The following ISM2 variants were observed in gnomAD, a reference collection of about 807,000 sequenced individuals.
The protein encoded by ISM2 is isthmin-2.
In ISM2, 50 loss-of-function variants were observed where a neutral mutation model predicts 58.0. That is an observed-to-expected ratio of 0.86 (90% CI 0.69 to 1.09). ISM2 has a LOEUF of 1.09. Among genes scored for constraint, ISM2 ranks in the 50% least tolerant of loss-of-function variants. The probability of loss-of-function intolerance (pLI) is 0.00; values close to 1 mark genes in which losing one functional copy is unlikely to be tolerated. For missense variants in ISM2, 723 were observed against 745.0 expected, an observed-to-expected ratio of 0.97 and a Z score of 0.34; for synonymous variants, 303 against 312.4, an observed-to-expected ratio of 0.97 and a Z score of 0.32.
rs1004508553 is a variant in ISM2 at position 77,474,530 on chromosome 14, T to G, written c.*1065A>C. 6.6e-6 allele frequency: 1 copy of G among 152,142 alleles called. No individual in the cohort carries two copies. Among genetic ancestry groups the G allele is most frequent in the South Asian group, 2.1e-4 (1 of 4,824 alleles). 9.4% of individuals were successfully genotyped at this position (152,142 alleles called of 1,614,324 possible). Reference sequence around the variant, plus strand: ...TTGAGACTTCAATATTTCAACCCCATAGAAGGCAAGGAAGTGCAGCCAGGG... The same window carrying G: ...TTGAGACTTCAATATTTCAACCCCAGAGAAGGCAAGGAAGTGCAGCCAGGG... On this transcript the variant is annotated 3_prime_UTR_variant, in exon 7 of 7. Transcript: ENST00000342219.
intron 4 of ISM2, 71 bp downstream of exon 4, chr14:77,482,251 C>T: frequency 8.2e-7 from 1 of 1,214,528 alleles, no homozygotes; most frequent in Non-Finnish European, 1.2e-6. Flanking sequence ...CCTCCACCCT[C>T]TCCCTCACCC....
chr14:77,496,799 GAAAAAAAAAAAAAAAAAAA>G (rs772342344), intron 1 of ISM2, among the ~76,000 whole-genome samples: 609 of 25,804 alleles, frequency 0.024, 10 homozygotes, highest in African/African-American at 0.1. Context: ...TCCATCTCAG[GAAAAAAAAAAAAAAAAAAA>G]AAAAAAAAAA....
intron 1 of ISM2, among the ~76,000 whole-genome samples, chr14:77,497,455 C>A (rs1322110646): frequency 6.7e-6 from 1 of 150,264 alleles, no homozygotes; most frequent in African/African-American, 2.4e-5. Context: ...GAGGCTGAGG[C>A]AGGAGGATTG....
chr14:77,493,177 G>C (rs1452613723), intron 1 of ISM2, among the ~76,000 whole-genome samples: 1 of 152,136 alleles, frequency 6.6e-6, no homozygotes, highest in Admixed American at 6.6e-5. Flanking sequence ...TGTATTTTTA[G>C]TAGAGACAGG....
chr14:77,486,524 A>G (rs1400898646), intron 1 of ISM2, among the ~76,000 whole-genome samples: 2 of 152,228 alleles, frequency 1.3e-5, no homozygotes, highest in Non-Finnish European at 2.9e-5. Flanking sequence ...TCACTGACCA[A>G]TGAGGGAGGC....
chr14:77,481,034 C>T (rs1389175796), intron 4 of ISM2, among the ~76,000 whole-genome samples: 2 of 151,902 alleles, frequency 1.3e-5, no homozygotes, highest in Admixed American at 6.6e-5. Context: ...AACCACAATA[C>T]GCAAAAATAA....
At chr14:77,484,235 C>T in intron 3 of ISM2, 88 bp downstream of exon 3, 2 of 1,498,948 alleles carry the variant, frequency 1.3e-6, no homozygotes, top group South Asian at 2.6e-5. Flanking sequence ...TCCACGGAAT[C>T]CAGGATATAG....
rs930656879 is a variant in ISM2 at position 77,498,710 on chromosome 14, G to C, written c.84C>G (p.Pro28=). 6.1e-6 allele frequency: 9 copies of C among 1,485,268 alleles called. No individual in the cohort carries two copies. In the African/African-American group the frequency reaches 1.2e-4, roughly 19 times the overall value. The allele number at this position is 1,485,268 out of a possible 1,614,324, so 92.0% of individuals were successfully genotyped here. The change falls in exon 1 of 7, where the codon CCC becomes CCG. Residue 28 remains proline (P), a synonymous_variant. Coordinates refer to ENST00000342219, the MANE Select transcript of ISM2 (RefSeq NM_199296.3). The part of the protein sequence containing the change: ...AALLEAALGL[P]VKKPRLRGPR... ...GTCCGCGGAGCCGCGGCTTCTTCAC[G>C]GGGAGCCCTAGCGCCGCCTCCAGCA...
At chr14:77,489,234 T>C (rs2079186218) in intron 1 of ISM2, among the ~76,000 whole-genome samples, 1 of 152,138 alleles carries the variant, frequency 6.6e-6, no homozygotes, top group Non-Finnish European at 1.5e-5. Flanking sequence ...CAGAAACTTG[T>C]TCTGGATAAT....
In ISM2 at chr14:77,475,724, G is replaced by A; in HGVS notation, c.1587C>T (p.Pro529=). 6.2e-7 allele frequency: 1 copy of A among 1,614,140 alleles called. No homozygotes were observed. Among genetic ancestry groups the A allele is most frequent in the South Asian group, 1.1e-5 (1 of 91,088 alleles). ...PKLHFKFDTT[P]WILCKGDWSR... ...TCCAGTCCCCCTTGCACAGGATCCAGGGCGTCGTGTCGAACTTGAAGTGCA... is the reference window on the plus strand; with the variant it reads ...TCCAGTCCCCCTTGCACAGGATCCAAGGCGTCGTGTCGAACTTGAAGTGCA... The change falls in exon 7 of 7, where the codon CCC becomes CCT. Residue 529 remains proline, a synonymous_variant. Coordinates refer to ENST00000342219, the MANE Select transcript of ISM2 (RefSeq NM_199296.3). This position sits in a 1 kb window ranked among gnomAD's most constrained non-coding sequence, Gnocchi z 4.1.
At chr14:77,476,188 G>A in intron 6 of ISM2, 76 bp from the exon 7 acceptor site, 2 of 1,453,082 alleles carry the variant, frequency 1.4e-6, no homozygotes, top group Non-Finnish European at 1.8e-6. Context: ...CTGATTAAGG[G>A]CCAGTGCATG....
intron 1 of ISM2, among the ~76,000 whole-genome samples, chr14:77,487,762 G>A (rs768279288): frequency 7.9e-5 from 12 of 152,214 alleles, no homozygotes; most frequent in Admixed American, 5.2e-4. Context: ...GGAGATGCCA[G>A]AAGAGGGTAG....
intron 1 of ISM2, among the ~76,000 whole-genome samples, chr14:77,492,147 C>T (rs2079209353): frequency 6.6e-6 from 1 of 152,168 alleles, no homozygotes; most frequent in African/African-American, 2.4e-5. Context: ...CAGGCATGAG[C>T]CACCACACCC....
chr14:77,484,543 C>G lies in ISM2; in HGVS notation c.407G>C (p.Arg136Thr), dbSNP rs763304757. 62 of 1,593,506 alleles carry G rather than the reference C, an allele frequency of 3.9e-5. No homozygotes were observed. Among genetic ancestry groups the G allele is most frequent in the Non-Finnish European group, 4.8e-5 (56 of 1,170,372 alleles). ...TGCCTCCTCCTCTTCCCTCAGAGGC[C>G]TAGGATCTGGGGAGGCTGAAGCCTG... ...DTQASASPDPRPLREEEEARL... is the reference protein window; with the variant it reads ...DTQASASPDPTPLREEEEARL... Residue 136 changes from arginine to threonine, a missense_variant, in exon 3 of 7, where the codon AGG becomes ACG. Coordinates refer to ENST00000342219, the MANE Select transcript of ISM2 (RefSeq NM_199296.3).
intron 1 of ISM2, among the ~76,000 whole-genome samples, chr14:77,487,435 T>C (rs1326247372): frequency 6.6e-6 from 1 of 152,124 alleles, no homozygotes; most frequent in African/African-American, 2.4e-5. Flanking sequence ...GGACTAAGCC[T>C]AGCCCAGGCC....
chr14:77,495,067 G>C (rs115630995), intron 1 of ISM2, among the ~76,000 whole-genome samples: 1 of 151,720 alleles, frequency 6.6e-6, no homozygotes, highest in South Asian at 2.1e-4. Context: ...GTATTTTTTG[G>C]GGGGTAGAGA....
chr14:77,490,953 A>C (rs574690856), intron 1 of ISM2, among the ~76,000 whole-genome samples: 60 of 152,360 alleles, frequency 3.9e-4, no homozygotes, highest in African/African-American at 1.4e-3. Flanking sequence ...GTGAGGCCAC[A>C]GGCTTGGCAC....
At chr14:77,484,952 G>T (rs548265257) in intron 1 of ISM2, 33 bp from the exon 2 acceptor site, 8 of 1,526,332 alleles carry the variant, frequency 5.2e-6, no homozygotes, top group African/African-American at 1.4e-5. Context: ...AAGGTAACAG[G>T]TCAGGGCTCA....
Position 77,478,382 on chromosome 14 carries a change from A to G in ISM2, c.1115-57T>C, listed in dbSNP as rs148982525. The G allele has an allele frequency of 1.3e-3, 1,982 of 1,518,382 alleles. 47 individuals are homozygous for G. The East Asian group carries it at 0.037, about 28-fold the overall frequency. The allele number at this position is 1,518,382 out of a possible 1,614,324, so 94.1% of individuals were successfully genotyped here. On this transcript the variant is annotated intron_variant, in intron 5 of 6. Coordinates refer to ENST00000342219, the MANE Select transcript of ISM2 (RefSeq NM_199296.3). Reference sequence around the variant, plus strand: ...TCCGCAGGCCACCTCAGTGCCGCTGATGGGGAAACCCCCCCACCTCAATAG... The same window carrying G: ...TCCGCAGGCCACCTCAGTGCCGCTGGTGGGGAAACCCCCCCACCTCAATAG...
Sources: allele counts gnomAD v4.1 joint callset (sites outside exome capture counted in the v4.1 genomes callset), GRCh38; gene constraint gnomAD v4.1.1; non-coding constraint Gnocchi (gnomAD v3.1); transcripts MANE v1.5; gene names NCBI Gene and HGNC (gene_info 2026-07-23, HGNC 2026-07-21).